SFRP1: variants seen among roughly 807,000 people sequenced by gnomAD.
SFRP1 encodes secreted frizzled related protein 1, also known as secreted frizzled-related protein 1.
In SFRP1, 9 loss-of-function variants were observed where a neutral mutation model predicts 25.9. That is an observed-to-expected ratio of 0.35 (90% CI 0.21 to 0.61). SFRP1 has a LOEUF of 0.61. Ranked by LOEUF, SFRP1 falls within the 20% of genes least tolerant of loss-of-function variation. The pLI is 0.78. For synonymous variants in SFRP1, 178 were observed against 174.0 expected, an observed-to-expected ratio of 1.02 and a Z score of -0.18; for missense variants, 346 against 418.2, an observed-to-expected ratio of 0.83 and a Z score of 1.51.
intron 2 of SFRP1, among the ~76,000 whole-genome samples, chr8:41,286,079 G>T (rs985451306): frequency 6.6e-6 from 1 of 151,844 alleles, no homozygotes; most frequent in Admixed American, 6.6e-5. Flanking sequence ...GCCCAGACCC[G>T]ATTCCTGGCA....
In SFRP1 at chr8:41,303,521, G is replaced by A. The variant is rs781514683; in HGVS notation, c.562C>T (p.Pro188Ser). 1 of 1,613,944 alleles carries A rather than the reference G, an allele frequency of 6.2e-7. No homozygotes were observed. The highest frequency in any genetic ancestry group is 8.5e-7 in the Non-Finnish European group (1 of 1,179,870). ...TCAGATTTCAACTCGTTGTCACAGGGAGGACACACCGTTGTGCCTGGGAAA... is the reference window on the plus strand; with the variant it reads ...TCAGATTTCAACTCGTTGTCACAGGAAGGACACACCGTTGTGCCTGGGAAA... ...SKPQGTTVCP[P>S]CDNELKSEAI... is the part of the protein sequence containing the mutation. The change falls in exon 2 of 3, where the codon CCC becomes TCC. Residue 188 changes from proline (P) to serine (S), a missense_variant. Coordinates refer to ENST00000220772, the MANE Select transcript of SFRP1 (RefSeq NM_003012.5).
In SFRP1 at chr8:41,264,990, T is replaced by A. The variant is rs1479428173; in HGVS notation, c.*177A>T. On this transcript the variant is annotated 3_prime_UTR_variant, in exon 3 of 3. Coordinates refer to ENST00000220772, the MANE Select transcript of SFRP1 (RefSeq NM_003012.5). ...TACCCGGCCATGGCTACCCTGGGGT[T>A]TGGAGCGTGGCTATGGAGGGAAGGG... 1.7e-6 allele frequency: 1 copy of A among 591,470 alleles called. No homozygotes were observed. The highest frequency in any genetic ancestry group is 2.8e-5 in the East Asian group (1 of 35,670). 36.6% of individuals were successfully genotyped at this position (591,470 alleles called of 1,614,324 possible).
intron 2 of SFRP1, among the ~76,000 whole-genome samples, chr8:41,281,845 T>C (rs1803637914): frequency 1.3e-5 from 2 of 152,136 alleles, no homozygotes; most frequent in Admixed American, 1.3e-4. Context: ...TGCTGACCAC[T>C]CTCTGGTGTT....
Position 41,308,704 on chromosome 8 carries a change from G to C in SFRP1, c.456C>G (p.Pro152=). The change falls in exon 1 of 3, where the codon CCC becomes CCG. Residue 152 remains proline (P), a synonymous_variant. Transcript: ENST00000220772. ...PVMQFFGFYW[P]EMLKCDKFPE... is the part of the protein sequence containing the mutation. ...GGAACTTGTCACACTTAAGCATCTC[G>C]GGCCAGTAGAAGCCGAAGAACTGCA... 2 of 1,611,294 alleles carry C rather than the reference G, an allele frequency of 1.2e-6. No individual in the cohort carries two copies. The highest frequency in any genetic ancestry group is 1.7e-4 in the Middle Eastern group (1 of 6,060).
chr8:41,274,542 G>C (rs969496085), intron 2 of SFRP1, among the ~76,000 whole-genome samples: 3 of 152,140 alleles, frequency 2.0e-5, no homozygotes, highest in South Asian at 2.1e-4. Context: ...CAGTGCAAGA[G>C]AGATAAATCT....
At position 41,265,112 on chromosome 8, in the gene SFRP1, T is replaced by C; in HGVS notation, c.*55A>G. 1.9e-6 allele frequency: 1 copy of C among 517,770 alleles called. No homozygotes were observed. Among genetic ancestry groups the C allele is most frequent in the Non-Finnish European group, 3.6e-6 (1 of 279,104 alleles). 32.1% of individuals were successfully genotyped at this position (517,770 alleles called of 1,614,324 possible). ...GACCCACCGGGTTCCCGGGGCACTG[T>C]CCCCCCCGCTCCCACCCCACCCGAG... On this transcript the variant is annotated 3_prime_UTR_variant, in exon 3 of 3. Transcript: ENST00000220772.
At chr8:41,277,795 C>T (rs1288520875) in intron 2 of SFRP1, among the ~76,000 whole-genome samples, 1 of 152,152 alleles carries the variant, frequency 6.6e-6, no homozygotes, top group African/African-American at 2.4e-5. Context: ...TAGTTTTGTA[C>T]AGATGGTGTC....
intron 2 of SFRP1, among the ~76,000 whole-genome samples, chr8:41,283,184 T>C (rs372344095): frequency 1.3e-5 from 2 of 152,310 alleles, no homozygotes; most frequent in African/African-American, 4.8e-5. Context: ...TGTTTCTCCT[T>C]CCCTTTGCTA....
intron 2 of SFRP1, among the ~76,000 whole-genome samples, chr8:41,290,180 G>A (rs930616788): frequency 6.6e-6 from 1 of 152,212 alleles, no homozygotes; most frequent in Non-Finnish European, 1.5e-5. Flanking sequence ...GTGGTCCCTT[G>A]TGTCCCCCAA....
intron 2 of SFRP1, among the ~76,000 whole-genome samples, chr8:41,288,119 A>T (rs1803729741): frequency 6.6e-6 from 1 of 152,128 alleles, no homozygotes; most frequent in South Asian, 2.1e-4. Flanking sequence ...GCACTTTGGG[A>T]GGCCAAGGCA....
rs1295877519 is a variant in SFRP1 at position 41,284,404 on chromosome 8, C to T, written c.623-18915G>A. 7.6e-5 allele frequency among the ~76,000 whole-genome samples: 10 copies of T among 132,290 alleles called. 1 individual carries two copies. The highest frequency in any genetic ancestry group is 2.6e-4 in the African/African-American group (9 of 34,988). The allele number at this position is 132,290 out of a possible 152,430, so 86.8% of individuals were successfully genotyped here. ...CCCTCCCACATTGTCTGAGCCCCTC[C>T]CACATTGCTGGAGGGCCCCTCCCAC... is the stretch of plus-strand genomic sequence containing the variant. On this transcript the variant is annotated intron_variant, in intron 2 of 2. Coordinates refer to ENST00000220772, the MANE Select transcript of SFRP1 (RefSeq NM_003012.5).
Position 41,308,709 on chromosome 8 carries a change from A to C in SFRP1, c.451T>G (p.Trp151Gly). ...EPVMQFFGFY[W>G]PEMLKCDKFP... ...TTGTCACACTTAAGCATCTCGGGCC[A>C]GTAGAAGCCGAAGAACTGCATGACC... The change falls in exon 1 of 3, where the codon TGG becomes GGG. Residue 151 changes from tryptophan to glycine, a missense_variant. Coordinates refer to ENST00000220772, the MANE Select transcript of SFRP1 (RefSeq NM_003012.5). 6.2e-7 allele frequency: 1 copy of C among 1,611,306 alleles called. No individual in the cohort carries two copies.
At chr8:41,294,762 A>T (rs1408557149) in intron 2 of SFRP1, among the ~76,000 whole-genome samples, 1 of 151,954 alleles carries the variant, frequency 6.6e-6, no homozygotes. Flanking sequence ...TACATTCAAG[A>T]CTCAAATATG....
At chr8:41,274,587 C>G (rs1397028647) in intron 2 of SFRP1, among the ~76,000 whole-genome samples, 1 of 152,058 alleles carries the variant, frequency 6.6e-6, no homozygotes, top group Non-Finnish European at 1.5e-5. Flanking sequence ...TAAAGAACAT[C>G]TAAATATTAA....
intron 2 of SFRP1, among the ~76,000 whole-genome samples, chr8:41,294,260 C>T (rs936676376): frequency 1.3e-5 from 2 of 152,142 alleles, no homozygotes; most frequent in Non-Finnish European, 2.9e-5. Flanking sequence ...AGCTCTGGTG[C>T]CACCGACATA....
At chr8:41,306,737 A>G in intron 1 of SFRP1, 2 of 1,597,934 alleles carry the variant, frequency 1.3e-6, no homozygotes, top group Non-Finnish European at 1.7e-6. Flanking sequence ...CGCTGCTGGG[A>G]GGAGTGGAGG....
At chr8:41,268,466 C>T (rs1803462775) in intron 2 of SFRP1, among the ~76,000 whole-genome samples, 1 of 152,174 alleles carries the variant, frequency 6.6e-6, no homozygotes, top group South Asian at 2.1e-4. Flanking sequence ...ATTAATGTTC[C>T]TTTGCCATGA....
At chr8:41,306,833 C>T (rs781348213) in intron 1 of SFRP1, 25 of 1,597,894 alleles carry the variant, frequency 1.6e-5, no homozygotes, top group Non-Finnish European at 1.9e-5. Context: ...CGGAAGACAG[C>T]GATTATGGGG....
chr8:41,292,703 A>T, intron 2 of SFRP1, among the ~76,000 whole-genome samples: 1 of 152,228 alleles, frequency 6.6e-6, no homozygotes, highest in East Asian at 1.9e-4. Context: ...TGTTGATTCT[A>T]GTCAACAGAT....
Sources: allele counts gnomAD v4.1 joint callset (sites outside exome capture counted in the v4.1 genomes callset), GRCh38; gene constraint gnomAD v4.1.1; transcripts MANE v1.5; gene names NCBI Gene and HGNC (gene_info 2026-07-23, HGNC 2026-07-21).